The following DSCAM variants were observed in gnomAD, a reference collection of about 807,000 sequenced individuals.
The protein encoded by DSCAM is DS cell adhesion molecule.
A neutral mutation model predicts 217.7 loss-of-function variants in DSCAM; 47 were observed. The observed-to-expected ratio is 0.22, with a 90% CI of 0.17 to 0.28. The LOEUF (loss-of-function observed/expected upper bound fraction) is 0.28, where lower values mean the gene tolerates loss of function less well. Ranked by LOEUF, DSCAM falls within the 10% of genes least tolerant of loss-of-function variation. DSCAM has a pLI of 1.00. For missense variants in DSCAM, 2,080 were observed against 2,618.3 expected, an observed-to-expected ratio of 0.79 and a Z score of 4.49; for synonymous variants, 1,056 against 1,015.3, an observed-to-expected ratio of 1.04 and a Z score of -0.76.
At chr21:40,330,549 C>T (rs1334219227) in intron 8 of DSCAM, among the ~76,000 whole-genome samples, 2 of 151,760 alleles carry the variant, frequency 1.3e-5, no homozygotes, top group African/African-American at 4.8e-5. Flanking sequence ...GTGTCTGCTT[C>T]GATTTCTAGA....
intron 3 of DSCAM, among the ~76,000 whole-genome samples, chr21:40,619,348 GATTAC>G (rs950633776): frequency 1.6e-4 from 24 of 152,060 alleles, no homozygotes; most frequent in Admixed American, 5.2e-4. Flanking sequence ...TATTTTTGAT[GATTAC>G]ATTATTTTGA....
chr21:40,566,554 ATGCACT>A (rs1489993683), intron 3 of DSCAM, among the ~76,000 whole-genome samples: 2 of 152,226 alleles, frequency 1.3e-5, no homozygotes, highest in Non-Finnish European at 1.5e-5. Flanking sequence ...TGAATTCATC[ATGCACT>A]GGATTTAGCA....
intron 3 of DSCAM, among the ~76,000 whole-genome samples, chr21:40,555,326 C>T (rs530833278): frequency 5.1e-4 from 78 of 152,084 alleles, no homozygotes; most frequent in Non-Finnish European, 9.1e-4. Context: ...TTTCCAGATG[C>T]CTATAAAAAT....
intron 21 of DSCAM, among the ~76,000 whole-genome samples, chr21:40,092,778 A>G (rs1368870159): frequency 6.6e-6 from 1 of 152,174 alleles, no homozygotes; most frequent in East Asian, 1.9e-4. Context: ...TCATGACCAA[A>G]GAGTGTAATA....
intron 3 of DSCAM, among the ~76,000 whole-genome samples, chr21:40,395,444 T>C (rs895314294): frequency 4.6e-5 from 7 of 152,224 alleles, no homozygotes; most frequent in Admixed American, 6.5e-5. Context: ...TCCTATATTT[T>C]AGGCTAAAAG....
chr21:40,218,139 G>A (rs1569005944), intron 11 of DSCAM, among the ~76,000 whole-genome samples: 2 of 151,922 alleles, frequency 1.3e-5, no homozygotes, highest in Non-Finnish European at 2.9e-5. Flanking sequence ...TGGGTTTTAC[G>A]TCTTTAATCT....
At chr21:40,649,857 G>A (rs2089992153) in intron 3 of DSCAM, among the ~76,000 whole-genome samples, 1 of 152,204 alleles carries the variant, frequency 6.6e-6, no homozygotes, top group East Asian at 1.9e-4. Flanking sequence ...CACCTATTCT[G>A]TCAGCAGTGC....
intron 1 of DSCAM, among the ~76,000 whole-genome samples, chr21:40,738,143 T>G (rs1169754809): frequency 6.6e-6 from 1 of 152,212 alleles, no homozygotes; most frequent in Non-Finnish European, 1.5e-5. Flanking sequence ...AATAGTTGAT[T>G]GTATTTGCTT....
At position 40,373,930 on chromosome 21, in the gene DSCAM, T is replaced by C. The variant is rs114098616; in HGVS notation, c.509-4685A>G. ...GATGAGTAATCTCTTTGTTCTGCTG[T>C]TGAAGATCAAATTAAAATGCATTTA... On this transcript the variant is annotated intron_variant, in intron 3 of 32. Coordinates refer to ENST00000400454, the MANE Select transcript of DSCAM (RefSeq NM_001389.5). Among the ~76,000 whole-genome samples the C allele has an allele frequency of 6.3e-3, 958 of 152,328 alleles. 9 individuals are homozygous for C. The highest frequency in any genetic ancestry group is 0.022 in the African/African-American group (905 of 41,572).
intron 27 of DSCAM, among the ~76,000 whole-genome samples, chr21:40,074,226 G>A (rs2089332993): frequency 6.6e-6 from 1 of 152,208 alleles, no homozygotes; most frequent in Admixed American, 6.5e-5. Flanking sequence ...CACATAGGAT[G>A]CTGCATAGCA....
At chr21:40,589,120 A>C (rs922710092) in intron 3 of DSCAM, among the ~76,000 whole-genome samples, 1 of 128,904 alleles carries the variant, frequency 7.8e-6, no homozygotes, top group Non-Finnish European at 1.6e-5. Flanking sequence ...ACGAAATTGC[A>C]ATCAACAAGT....
intron 9 of DSCAM, among the ~76,000 whole-genome samples, chr21:40,301,494 C>A (rs889072836): frequency 4.8e-5 from 7 of 147,254 alleles, no homozygotes; most frequent in African/African-American, 1.3e-4. Flanking sequence ...AGTTCCCATT[C>A]ACCATTTGCA....
chr21:40,476,691 T>C (rs1019987919), intron 3 of DSCAM, among the ~76,000 whole-genome samples: 7 of 151,748 alleles, frequency 4.6e-5, no homozygotes, highest in Admixed American at 1.3e-4. Context: ...TGACTAACCA[T>C]TGGTTAGGTG....
intron 1 of DSCAM, among the ~76,000 whole-genome samples, chr21:40,737,566 A>G (rs1665994332): frequency 6.6e-6 from 1 of 152,132 alleles, no homozygotes; most frequent in South Asian, 2.1e-4. Context: ...ACTTGAACCA[A>G]GGGGGCAAAG....
At chr21:40,600,027 C>G (rs1273515059) in intron 3 of DSCAM, among the ~76,000 whole-genome samples, 2 of 152,146 alleles carry the variant, frequency 1.3e-5, no homozygotes, top group African/African-American at 4.8e-5. Flanking sequence ...TACAGAGTTA[C>G]AAAGAGGAGC....
chr21:40,133,949 T>G lies in DSCAM; in HGVS notation c.3467A>C (p.Glu1156Ala). ...TQPSLELDGL[E>A]KYTNYSIQVL... ...CTGGATGCTGTAGTTGGTGTACTTTTCCAGCCCGTCCAGCTCCAGTGAAGG... is the reference window on the plus strand; with the variant it reads ...CTGGATGCTGTAGTTGGTGTACTTTGCCAGCCCGTCCAGCTCCAGTGAAGG... Residue 1156 changes from glutamate to alanine, a missense_variant, in exon 19 of 33, where the codon GAA (glutamate) becomes GCA (alanine). By Grantham distance (107) the Glu-to-Ala change is moderately radical. Around this residue, in one of 5 missense-constraint regions of DSCAM, gnomAD observed 1,144 missense variants for 1,421.1 expected, o/e 0.81. Coordinates refer to ENST00000400454, the MANE Select transcript of DSCAM (RefSeq NM_001389.5). The G allele has an allele frequency of 6.2e-7, 1 of 1,613,600 alleles. No homozygotes were observed. The highest frequency in any genetic ancestry group is 8.5e-7 in the Non-Finnish European group (1 of 1,179,792).
intron 3 of DSCAM, among the ~76,000 whole-genome samples, chr21:40,475,652 G>A (rs756119696): frequency 7.2e-5 from 11 of 152,156 alleles, no homozygotes; most frequent in Non-Finnish European, 1.6e-4. Context: ...CCAACATGGT[G>A]AGACCCCATC....
chr21:40,091,828 G>A (rs950352284), intron 21 of DSCAM, among the ~76,000 whole-genome samples: 5 of 152,104 alleles, frequency 3.3e-5, no homozygotes, highest in African/African-American at 9.7e-5. Flanking sequence ...ATCAGATCTC[G>A]TGAGACTTAC....
rs1193317369 is a variant in DSCAM at position 40,343,926 on chromosome 21, T to A, written c.1210+3744A>T. Reference sequence around the variant, plus strand: ...TTTTATTTTATTTTATTTTTAGAGATGGAGTCTCACTCTGTCACCCAGGCT... The same window carrying A: ...TTTTATTTTATTTTATTTTTAGAGAAGGAGTCTCACTCTGTCACCCAGGCT... On this transcript the variant is annotated intron_variant, in intron 6 of 32. Coordinates refer to ENST00000400454, the MANE Select transcript of DSCAM (RefSeq NM_001389.5). Among the ~76,000 whole-genome samples, 32 of 139,576 alleles carry A rather than the reference T, an allele frequency of 2.3e-4. No individual in the cohort carries two copies. The Admixed American group carries it at 2.5e-3, about 11-fold the overall frequency. 91.6% of individuals were successfully genotyped at this position (139,576 alleles called of 152,430 possible).
Sources: gnomAD v4.1 joint callset for allele counts (sites outside exome capture counted in the v4.1 genomes callset) on GRCh38, gnomAD v4.1.1 for gene constraint, gnomAD v4.1.1 regional missense constraint, MANE v1.5 for transcripts, NCBI Gene and HGNC (gene_info 2026-07-23, HGNC 2026-07-21) for gene names.